AGBL4: variants seen among roughly 807,000 people sequenced by gnomAD.
The protein encoded by AGBL4 is AGBL carboxypeptidase 4.
In AGBL4, 58 loss-of-function variants were observed where a neutral mutation model predicts 66.4. The ratio of observed to expected loss-of-function variants is 0.87; its 90% confidence interval spans 0.71 to 1.09. The LOEUF is 1.09. Among genes scored for constraint, AGBL4 ranks in the 50% least tolerant of loss-of-function variants. The pLI is 0.00. For synonymous variants in AGBL4, 234 were observed against 222.9 expected (o/e 1.05, Z -0.44); for missense variants, 579 against 631.0 (o/e 0.92, Z 0.88).
intron 5 of AGBL4, among the ~76,000 whole-genome samples, chr1:48,946,356 G>T (rs930222393): frequency 6.6e-6 from 1 of 152,158 alleles, no homozygotes; most frequent in Non-Finnish European, 1.5e-5. Context: ...TGATTTGTCT[G>T]TGCATCCCAA....
At chr1:48,855,774 A>C (rs1202793264) in intron 6 of AGBL4, among the ~76,000 whole-genome samples, 2 of 152,170 alleles carry the variant, frequency 1.3e-5, no homozygotes, top group Non-Finnish European at 2.9e-5. Flanking sequence ...AAATAAGGCT[A>C]CAGATAAAAA....
At chr1:49,987,938 A>T (rs1659635919) in intron 1 of AGBL4, among the ~76,000 whole-genome samples, 1 of 151,742 alleles carries the variant, frequency 6.6e-6, no homozygotes, top group African/African-American at 2.4e-5. Flanking sequence ...TACTGAAAAA[A>T]CATGTACGAA....
At chr1:48,686,058 A>C (rs960901194) in intron 6 of AGBL4, among the ~76,000 whole-genome samples, 2 of 152,204 alleles carry the variant, frequency 1.3e-5, no homozygotes, top group Admixed American at 6.5e-5. Flanking sequence ...AATCCCCTCC[A>C]AATCCCTATG....
At chr1:49,736,406 A>T (rs1649893262) in intron 2 of AGBL4, among the ~76,000 whole-genome samples, 1 of 152,160 alleles carries the variant, frequency 6.6e-6, no homozygotes, top group African/African-American at 2.4e-5. Flanking sequence ...AACCACAATG[A>T]TACAAAATTA....
intron 3 of AGBL4, among the ~76,000 whole-genome samples, chr1:49,673,795 C>T (rs1646527169): frequency 6.6e-6 from 1 of 151,776 alleles, no homozygotes; most frequent in African/African-American, 2.4e-5. Flanking sequence ...GTGAGAAAGA[C>T]ATAAGTATAA....
intron 5 of AGBL4, among the ~76,000 whole-genome samples, chr1:48,926,184 G>A (rs768620502): frequency 9.9e-5 from 15 of 152,138 alleles, no homozygotes; most frequent in Admixed American, 4.6e-4. Context: ...AGAGCAAGAC[G>A]CTTGCAAGAC....
intron 3 of AGBL4, among the ~76,000 whole-genome samples, chr1:49,246,949 T>C (rs964075): frequency 0.31 from 46,347 of 151,862 alleles, 7,925 homozygotes; most frequent in East Asian, 0.72. Context: ...AGTAATTGTA[T>C]ATACTTTTTT....
chr1:49,820,041 C>T (rs1353386964), intron 2 of AGBL4, among the ~76,000 whole-genome samples: 2 of 152,144 alleles, frequency 1.3e-5, no homozygotes, highest in Non-Finnish European at 2.9e-5. Flanking sequence ...TAAAGACCCT[C>T]ATGTCCTGCT....
chr1:49,659,496 A>G (rs961098382), intron 3 of AGBL4, among the ~76,000 whole-genome samples: 1 of 152,208 alleles, frequency 6.6e-6, no homozygotes, highest in African/African-American at 2.4e-5. Context: ...CAGAAGTTGC[A>G]GTCCACTTTC....
chr1:49,009,241 T>A lies in AGBL4; in HGVS notation c.594+36343A>T, dbSNP rs988991224. ...AATACAAACTACCATCAGAGAATAC[T>A]ACAAACACCTCTACGCAAATAAACT... On this transcript the variant is annotated intron_variant, in intron 5 of 13. Coordinates refer to ENST00000371839, the MANE Select transcript of AGBL4 (RefSeq NM_032785.4). Among the ~76,000 whole-genome samples, 250 of 152,166 alleles carry A rather than the reference T, an allele frequency of 1.6e-3. 3 individuals carry two copies. Among genetic ancestry groups the A allele is most frequent in the Non-Finnish European group, 2.5e-3 (171 of 67,990 alleles).
chr1:49,959,558 G>A (rs1034414338), intron 1 of AGBL4, among the ~76,000 whole-genome samples: 1 of 151,996 alleles, frequency 6.6e-6, no homozygotes, highest in Non-Finnish European at 1.5e-5. Context: ...TTTCTTGGAC[G>A]AATTAATAAA....
chr1:49,622,702 C>CAA (rs753068715), intron 3 of AGBL4, among the ~76,000 whole-genome samples: 215 of 142,214 alleles, frequency 1.5e-3, no homozygotes, highest in Non-Finnish European at 2.6e-3. Flanking sequence ...TTGTAAAGAT[C>CAA]AAATTCGAAA....
At chr1:48,915,832 G>C (rs1209402689) in intron 5 of AGBL4, among the ~76,000 whole-genome samples, 1 of 152,098 alleles carries the variant, frequency 6.6e-6, no homozygotes, top group Non-Finnish European at 1.5e-5. Context: ...GAAGCCTTTG[G>C]ATTGGGCCTG....
intron 5 of AGBL4, among the ~76,000 whole-genome samples, chr1:48,924,845 C>T (rs1654394963): frequency 6.6e-6 from 1 of 151,960 alleles, no homozygotes; most frequent in African/African-American, 2.4e-5. Context: ...GTGCTATTAT[C>T]AGAAGAGGAG....
intron 4 of AGBL4, among the ~76,000 whole-genome samples, chr1:49,125,081 TA>T (rs886382989): frequency 4.6e-5 from 7 of 151,928 alleles, no homozygotes; most frequent in Non-Finnish European, 8.8e-5. Flanking sequence ...AATAGATCTA[TA>T]AAACTCAAAG....
chr1:49,022,727 T>C (rs949643443), intron 5 of AGBL4, among the ~76,000 whole-genome samples: 5 of 152,138 alleles, frequency 3.3e-5, no homozygotes, highest in Non-Finnish European at 7.4e-5. Context: ...TCTGGAAGAA[T>C]TGATTTATTT....
intron 6 of AGBL4, among the ~76,000 whole-genome samples, chr1:48,767,600 G>T (rs1644593422): frequency 6.6e-6 from 1 of 152,094 alleles, no homozygotes. Context: ...TACTTTATGT[G>T]GCATTTTAAT....
chr1:49,669,303 C>T (rs1309564344), intron 3 of AGBL4, among the ~76,000 whole-genome samples: 1 of 152,074 alleles, frequency 6.6e-6, no homozygotes, highest in African/African-American at 2.4e-5. Flanking sequence ...GAGAGCCCAA[C>T]TCATGAAGGA....
At chr1:49,492,640 G>A (rs2148746505) in intron 3 of AGBL4, among the ~76,000 whole-genome samples, 1 of 152,070 alleles carries the variant, frequency 6.6e-6, no homozygotes, top group Non-Finnish European at 1.5e-5. Context: ...TGAGTGATAA[G>A]TGGGTAGAAT....
Sources: gnomAD v4.1 joint callset for allele counts (sites outside exome capture counted in the v4.1 genomes callset) on GRCh38, gnomAD v4.1.1 for gene constraint, MANE v1.5 for transcripts, NCBI Gene and HGNC (gene_info 2026-07-23, HGNC 2026-07-21) for gene names.